The following PAX5 variants were observed in gnomAD, a reference collection of about 807,000 sequenced individuals.
PAX5 encodes paired box 5.
In PAX5, 9 loss-of-function variants were observed where a neutral mutation model predicts 43.7. The observed-to-expected ratio is 0.21, with a 90% CI of 0.12 to 0.36. The LOEUF is 0.36. Ranked by LOEUF, PAX5 falls within the 10% of genes least tolerant of loss-of-function variation. The pLI is 1.00. For missense variants in PAX5, 383 were observed against 532.7 expected (o/e 0.72, Z 2.77); for synonymous variants, 228 against 214.3 (o/e 1.06, Z -0.56).
At chr9:36,943,536 A>T (rs972903408) in intron 6 of PAX5, among the ~76,000 whole-genome samples, 39 of 151,216 alleles carry the variant, frequency 2.6e-4, no homozygotes, top group East Asian at 9.7e-4. Flanking sequence ...ACATACACAC[A>T]CACACACACA....
chr9:36,981,669 C>A (rs901387447), intron 5 of PAX5, among the ~76,000 whole-genome samples: 4 of 152,220 alleles, frequency 2.6e-5, no homozygotes, highest in African/African-American at 9.7e-5. Flanking sequence ...ACATCAGGAG[C>A]CAGTAAATGG....
intron 6 of PAX5, among the ~76,000 whole-genome samples, chr9:36,940,971 G>C (rs1167749257): frequency 1.3e-5 from 2 of 152,198 alleles, no homozygotes; most frequent in Non-Finnish European, 2.9e-5. Flanking sequence ...CAGAGGCCCA[G>C]GCACAAGGGG....
intron 6 of PAX5, among the ~76,000 whole-genome samples, chr9:36,961,776 G>GAA (rs1412872360): frequency 1.3e-5 from 2 of 152,152 alleles, no homozygotes; most frequent in African/African-American, 4.8e-5. Flanking sequence ...GAGTTTTACT[G>GAA]AAACAGATAC....
chr9:36,857,422 G>C (rs572945128), intron 8 of PAX5, among the ~76,000 whole-genome samples: 1 of 152,340 alleles, frequency 6.6e-6, no homozygotes, highest in South Asian at 2.1e-4. Flanking sequence ...GGCATACTCA[G>C]TGAAATGCGC....
intron 8 of PAX5, among the ~76,000 whole-genome samples, chr9:36,866,296 G>T (rs758466379): frequency 3.9e-5 from 6 of 152,204 alleles, no homozygotes; most frequent in Non-Finnish European, 7.3e-5. Context: ...ACAGCTTCCA[G>T]AGGGAAACTG....
chr9:36,934,944 G>A (rs983789480), intron 6 of PAX5, among the ~76,000 whole-genome samples: 3 of 152,204 alleles, frequency 2.0e-5, no homozygotes, highest in African/African-American at 4.8e-5. Flanking sequence ...CTCTTCCAAC[G>A]GTGCCAGAGG....
At chr9:36,984,587 C>T (rs996381189) in intron 5 of PAX5, among the ~76,000 whole-genome samples, 3 of 151,816 alleles carry the variant, frequency 2.0e-5, no homozygotes, top group African/African-American at 7.3e-5. Context: ...ATTACAGGTG[C>T]ACACAACCAC....
At chr9:36,874,324 C>T (rs1825735531) in intron 8 of PAX5, among the ~76,000 whole-genome samples, 1 of 152,238 alleles carries the variant, frequency 6.6e-6, no homozygotes, top group African/African-American at 2.4e-5. Flanking sequence ...GCCCTCGCCC[C>T]ATGCTCCTGG....
chr9:36,877,792 C>G (rs187738053), intron 8 of PAX5, among the ~76,000 whole-genome samples: 32 of 152,252 alleles, frequency 2.1e-4, no homozygotes, highest in Admixed American at 1.9e-3. Context: ...TTATATGTAA[C>G]CTGTGAATGT....
At chr9:36,853,170 T>G (rs1033926411) in intron 8 of PAX5, among the ~76,000 whole-genome samples, 2 of 152,236 alleles carry the variant, frequency 1.3e-5, no homozygotes, top group African/African-American at 4.8e-5. Flanking sequence ...TCAGTACACT[T>G]TCCCCTAAGT....
chr9:36,907,598 G>C (rs934915622), intron 7 of PAX5, among the ~76,000 whole-genome samples: 1 of 152,202 alleles, frequency 6.6e-6, no homozygotes, highest in African/African-American at 2.4e-5. Context: ...ACACTGCTAG[G>C]GAAAAAGTCC....
Position 37,002,793 on chromosome 9 carries a change from G to T in PAX5, c.476-17C>A. 6.2e-7 allele frequency: 1 copy of T among 1,601,416 alleles called. No homozygotes were observed. Among genetic ancestry groups the T allele is most frequent in the Non-Finnish European group, 8.5e-7 (1 of 1,174,872 alleles). ...CAGTGGACACTGCGCGGAGAAAGAC[G>T]GGCGGTCAGGGCCGCAGAGGGCTGA... On this transcript the variant is annotated splice_polypyrimidine_tract_variant and intron_variant, in intron 4 of 9. Transcript: ENST00000358127.
rs539824528 is a variant in PAX5 at position 36,967,381 on chromosome 9, T to C, written c.605-657A>G. ...TTTATTTTACAGCTCAACTTACACA[T>C]GTGAGAAGTGATGTATGTACAAGGT... On this transcript the variant is annotated intron_variant, in intron 5 of 9. Transcript: ENST00000358127. 3.9e-5 allele frequency among the ~76,000 whole-genome samples: 6 copies of C among 152,302 alleles called. No homozygotes were observed. In the East Asian group the frequency reaches 1.2e-3, roughly 29 times the overall value.
intron 7 of PAX5, among the ~76,000 whole-genome samples, chr9:36,919,164 A>G (rs1250429435): frequency 6.6e-6 from 1 of 152,222 alleles, no homozygotes; most frequent in Non-Finnish European, 1.5e-5. Context: ...CCTGTGATCT[A>G]CAAGTGGAAA....
intron 3 of PAX5, among the ~76,000 whole-genome samples, chr9:37,008,358 TG>T (rs1293770552): frequency 6.6e-6 from 1 of 152,230 alleles, no homozygotes; most frequent in Non-Finnish European, 1.5e-5. Context: ...TCAGCCTCCA[TG>T]TATACAGTTT....
At chr9:36,962,449 TC>T (rs982822372) in intron 6 of PAX5, among the ~76,000 whole-genome samples, 25 of 152,274 alleles carry the variant, frequency 1.6e-4, no homozygotes, top group Middle Eastern at 3.4e-3. Flanking sequence ...ACAATGGGGC[TC>T]CCGAATCATG....
chr9:37,026,053 A>G (rs1840324887), intron 1 of PAX5, among the ~76,000 whole-genome samples: 1 of 152,256 alleles, frequency 6.6e-6, no homozygotes, highest in Non-Finnish European at 1.5e-5. Flanking sequence ...CTTAGCTCTC[A>G]ACCTCTTCCT....
intron 7 of PAX5, among the ~76,000 whole-genome samples, chr9:36,894,155 G>A (rs1346104417): frequency 3.3e-5 from 5 of 152,116 alleles, no homozygotes; most frequent in Admixed American, 6.5e-5. Context: ...ATCCAAAGAC[G>A]CCTCATGTTT....
At chr9:36,999,456 G>A (rs565608254) in intron 5 of PAX5, among the ~76,000 whole-genome samples, 1 of 152,188 alleles carries the variant, frequency 6.6e-6, no homozygotes, top group Non-Finnish European at 1.5e-5. Context: ...TCTGTGGTTG[G>A]ATCCTATCAC....
Sources: gnomAD v4.1 joint callset for allele counts (sites outside exome capture counted in the v4.1 genomes callset) on GRCh38, gnomAD v4.1.1 for gene constraint, MANE v1.5 for transcripts, NCBI Gene and HGNC (gene_info 2026-07-23, HGNC 2026-07-21) for gene names.